TRPC4: variants seen among roughly 807,000 people sequenced by gnomAD.
The protein encoded by TRPC4 is short transient receptor potential channel 4.
In TRPC4, 49 loss-of-function variants were observed where a neutral mutation model predicts 99.4. The observed-to-expected ratio is 0.49, with a 90% confidence interval of 0.39 to 0.63. TRPC4 has a LOEUF of 0.63. TRPC4 is among the 20% of genes least tolerant of loss of function. The pLI is 0.00. For missense variants in TRPC4, 898 were observed against 1,152.9 expected, an observed-to-expected ratio of 0.78 and a Z score of 3.20; for synonymous variants, 454 against 425.9, an observed-to-expected ratio of 1.07 and a Z score of -0.81.
At chr13:37,714,771 C>CAGTCTTCCT (rs3086226) in intron 3 of TRPC4, among the ~76,000 whole-genome samples, 151,154 of 152,104 alleles carry the variant, frequency 0.99, 75,111 homozygotes, top group Middle Eastern at 1. Flanking sequence ...CCTATTCAGT[C>CAGTCTTCCT]AGTTCAGATT....
intron 4 of TRPC4, among the ~76,000 whole-genome samples, chr13:37,688,388 G>C (rs574969307): frequency 2.0e-5 from 3 of 152,100 alleles, no homozygotes; most frequent in South Asian, 2.1e-4. Context: ...GTTCTATGAG[G>C]CTGAATACAG....
At chr13:37,761,960 T>C (rs768335121) in intron 2 of TRPC4, among the ~76,000 whole-genome samples, 17 of 151,896 alleles carry the variant, frequency 1.1e-4, no homozygotes, top group Non-Finnish European at 4.4e-5. Context: ...TGTACTGCTA[T>C]ATATACATCA....
At chr13:37,696,762 C>T (rs550894508) in intron 3 of TRPC4, among the ~76,000 whole-genome samples, 2 of 152,248 alleles carry the variant, frequency 1.3e-5, no homozygotes, top group South Asian at 4.1e-4. Context: ...GTGTATTCTT[C>T]AGCAATTCAA....
At chr13:37,720,079 G>A (rs576672249) in intron 3 of TRPC4, among the ~76,000 whole-genome samples, 1 of 152,172 alleles carries the variant, frequency 6.6e-6, no homozygotes, top group African/African-American at 2.4e-5. Flanking sequence ...AAAGATGGAG[G>A]AAGAGGAAAA....
chr13:37,800,655 AC>A (rs2139429584), intron 1 of TRPC4, among the ~76,000 whole-genome samples: 1 of 152,222 alleles, frequency 6.6e-6, no homozygotes, highest in African/African-American at 2.4e-5. Flanking sequence ...TGTATGAGCT[AC>A]TAAAGATAAA....
intron 1 of TRPC4, among the ~76,000 whole-genome samples, chr13:37,856,405 A>C (rs1959174761): frequency 1.3e-5 from 2 of 151,190 alleles, no homozygotes; most frequent in Middle Eastern, 3.4e-3. Flanking sequence ...AAAAAAAAAA[A>C]AAGCCCAGGA....
chr13:37,824,011 G>A (rs1280747670), intron 1 of TRPC4, among the ~76,000 whole-genome samples: 4 of 137,874 alleles, frequency 2.9e-5, no homozygotes, highest in Admixed American at 1.5e-4. Flanking sequence ...TGGATTCCTA[G>A]GTATTTTATT....
chr13:37,838,422 A>G (rs915144096), intron 1 of TRPC4, among the ~76,000 whole-genome samples: 5 of 152,232 alleles, frequency 3.3e-5, no homozygotes, highest in Admixed American at 2.0e-4. Context: ...ACCTTTTTAT[A>G]AAAACAGACA....
rs1228555046 is a variant in TRPC4, at chr13:37,636,847, C to T, written c.*56G>A. 2 of 1,548,982 alleles carry T rather than the reference C, an allele frequency of 1.3e-6. No individual in the cohort carries two copies. Among genetic ancestry groups the T allele is most frequent in the East Asian group, 4.5e-5 (2 of 44,400 alleles). On this transcript the variant is annotated 3_prime_UTR_variant, in exon 11 of 11. Transcript: ENST00000379705. Reference sequence around the variant, plus strand: ...AATACAATTTAAACATTTTCCCCCACCCAGAGCACTACGGAAAATACGTAT... The same window carrying T: ...AATACAATTTAAACATTTTCCCCCATCCAGAGCACTACGGAAAATACGTAT...
chr13:37,745,989 C>T lies in TRPC4; in HGVS notation c.845G>A (p.Ser282Asn), dbSNP rs1808756133. Reference protein sequence around the residue: ...RDDNSLIEEQSGNDLARLKLA... With the variant: ...RDDNSLIEEQNGNDLARLKLA... ...TTTTAGTCTTGCAAGATCATTTCCA[C>T]TTTGTTCTTCTATGAGACTATTGTC... Residue 282 changes from serine to asparagine, a missense_variant, in exon 3 of 11, where the codon AGT (serine) becomes AAT (asparagine). This residue lies in a region of TRPC4 where 278 missense variants were observed against 346.6 expected (regional missense o/e 0.80). Coordinates refer to ENST00000379705, the MANE Select transcript of TRPC4 (RefSeq NM_016179.4). 1.9e-6 allele frequency: 3 copies of T among 1,613,744 alleles called. No individual in the cohort carries two copies. The African/African-American group carries it at 4.0e-5, about 22-fold the overall frequency.
chr13:37,664,326 C>A lies in TRPC4; in HGVS notation c.1375-597G>T, dbSNP rs960179166. ...CGGTGGCTGATGCCTGTAATCCCAG[C>A]ACTTTGGGAGGCCGAAGCTGGCGAA... is the stretch of plus-strand genomic sequence containing the variant. On this transcript the variant is annotated intron_variant, in intron 5 of 10. Transcript: ENST00000379705. Among the ~76,000 whole-genome samples, 9 of 152,152 alleles carry A rather than the reference C, an allele frequency of 5.9e-5. No individual in the cohort carries two copies. The East Asian group carries it at 1.5e-3, about 26-fold the overall frequency.
In TRPC4 at chr13:37,769,965, T is replaced by C. The variant is rs1956501965; in HGVS notation, c.378+12991A>G. Among the ~76,000 whole-genome samples, 4 of 151,490 alleles carry C rather than the reference T, an allele frequency of 2.6e-5. No homozygotes were observed. In the South Asian group the frequency reaches 8.3e-4, roughly 31 times the overall value. On this transcript the variant is annotated intron_variant, in intron 2 of 10. Coordinates refer to ENST00000379705, the MANE Select transcript of TRPC4 (RefSeq NM_016179.4). ...AATTGTGGAATATAGCCATTTTCTG[T>C]TTCAGGTTAAATAGGTTACACAAAT...
intron 3 of TRPC4, among the ~76,000 whole-genome samples, chr13:37,714,917 C>T (rs747151751): frequency 4.3e-4 from 66 of 152,206 alleles, no homozygotes; most frequent in Non-Finnish European, 7.6e-4. Flanking sequence ...GGCAAGAACT[C>T]TACTTATTCA....
At chr13:37,713,295 T>C (rs1181665906) in intron 3 of TRPC4, among the ~76,000 whole-genome samples, 1 of 152,216 alleles carries the variant, frequency 6.6e-6, no homozygotes, top group Non-Finnish European at 1.5e-5. Flanking sequence ...AAAGGAACTG[T>C]ATTACTTACA....
rs188993256 is a variant in TRPC4 at position 37,734,664 on chromosome 13, T to C, written c.897+11273A>G. ...CCCCAGGAATAAGTACAGTTATTAA[T>C]TGGCAATTAATAAGATAAAAAGAGG... is the stretch of plus-strand genomic sequence containing the variant. On this transcript the variant is annotated intron_variant, in intron 3 of 10. Transcript: ENST00000379705. Among the ~76,000 whole-genome samples, 53 of 152,248 alleles carry C rather than the reference T, an allele frequency of 3.5e-4. 1 individual carries two copies. Among genetic ancestry groups the C allele is most frequent in the Middle Eastern group, 3.4e-3 (1 of 294 alleles).
chr13:37,692,295 C>A lies in TRPC4; in HGVS notation c.938G>T (p.Arg313Leu). 1 of 1,613,942 alleles carries A rather than the reference C, an allele frequency of 6.2e-7. No homozygotes were observed. The highest frequency in any genetic ancestry group is 8.5e-7 in the Non-Finnish European group (1 of 1,179,948). Residue 313 changes from arginine to leucine, a missense_variant, in exon 4 of 11, where the codon CGC (arginine) becomes CTC (leucine). This residue lies in a region of TRPC4 where 274 missense variants were observed against 454.9 expected (regional missense o/e 0.60). Transcript: ENST00000379705. ...CCAGCCTGGAAACTCATCGTACCAG[C>A]GAGATGCCAGCAGCTGTTGACAATT... The part of the protein sequence containing the change: ...QPNCQQLLAS[R>L]WYDEFPGWRR...
intron 8 of TRPC4, among the ~76,000 whole-genome samples, chr13:37,640,740 AAC>A (rs1593412161): frequency 6.6e-6 from 1 of 152,148 alleles, no homozygotes; most frequent in African/African-American, 2.4e-5. Flanking sequence ...TCTAAAAGGA[AAC>A]ACACAGTCTT....
intron 4 of TRPC4, among the ~76,000 whole-genome samples, chr13:37,691,227 G>A (rs886464501): frequency 6.6e-6 from 1 of 152,002 alleles, no homozygotes; most frequent in Non-Finnish European, 1.5e-5. Context: ...TCAGCCTCCC[G>A]AGTAGCTGGG....
intron 1 of TRPC4, among the ~76,000 whole-genome samples, chr13:37,853,759 T>G (rs1444706221): frequency 1.3e-5 from 2 of 151,760 alleles, no homozygotes; most frequent in African/African-American, 4.8e-5. Flanking sequence ...AAGCAGAAAT[T>G]CTAGAGTTGA....
Sources: allele counts gnomAD v4.1 joint callset (sites outside exome capture counted in the v4.1 genomes callset), GRCh38; gene constraint gnomAD v4.1.1; regional missense constraint gnomAD v4.1.1; transcripts MANE v1.5; gene names NCBI Gene and HGNC (gene_info 2026-07-23, HGNC 2026-07-21).